DENND1B: variants seen among roughly 807,000 people sequenced by gnomAD.
DENND1B encodes the protein DENN domain-containing protein 1B.
In DENND1B, 59 loss-of-function variants were observed where a neutral mutation model predicts 90.1. The observed-to-expected ratio is 0.65, with a 90% CI of 0.53 to 0.81. The LOEUF is 0.81. Among genes scored for constraint, DENND1B ranks in the 40% least tolerant of loss-of-function variants. The pLI, the probability that DENND1B is intolerant of heterozygous loss-of-function variation, is 0.00. For synonymous variants in DENND1B, 337 were observed against 324.6 expected, an observed-to-expected ratio of 1.04 and a Z score of -0.41; for missense variants, 862 against 912.6, an observed-to-expected ratio of 0.94 and a Z score of 0.71.
intron 12 of DENND1B, among the ~76,000 whole-genome samples, chr1:197,608,053 A>G (rs1036188902): frequency 1.3e-5 from 2 of 150,682 alleles, no homozygotes; most frequent in African/African-American, 4.8e-5. Context: ...TCAACTAGCA[A>G]TAGGTTAATA....
At chr1:197,525,837 G>A (rs1246649089) in intron 20 of DENND1B, among the ~76,000 whole-genome samples, 1 of 151,888 alleles carries the variant, frequency 6.6e-6, no homozygotes, top group Admixed American at 6.6e-5. Flanking sequence ...TTATATTTTG[G>A]TGTCAGAATC....
intron 2 of DENND1B, among the ~76,000 whole-genome samples, chr1:197,768,372 C>T (rs933184051): frequency 2.6e-5 from 4 of 152,128 alleles, no homozygotes; most frequent in Non-Finnish European, 4.4e-5. Flanking sequence ...AAGAGAAATG[C>T]TTAGAGGCAT....
chr1:197,632,603 G>A (rs1679425963), intron 10 of DENND1B, among the ~76,000 whole-genome samples: 1 of 152,016 alleles, frequency 6.6e-6, no homozygotes, highest in Non-Finnish European at 1.5e-5. Context: ...GCAAATAATA[G>A]CATTTATCAA....
chr1:197,565,759 G>A (rs1485392790), intron 15 of DENND1B, among the ~76,000 whole-genome samples: 2 of 150,316 alleles, frequency 1.3e-5, no homozygotes, highest in Non-Finnish European at 3.0e-5. Flanking sequence ...TTGTTCTTGC[G>A]ATAGTTTACT....
At chr1:197,659,258 T>A (rs1301374514) in intron 5 of DENND1B, among the ~76,000 whole-genome samples, 1 of 151,678 alleles carries the variant, frequency 6.6e-6, no homozygotes. Context: ...CATGTAAAAT[T>A]TAAAAATCAG....
chr1:197,668,717 A>T (rs1427982058), intron 5 of DENND1B, among the ~76,000 whole-genome samples: 1 of 151,886 alleles, frequency 6.6e-6, no homozygotes, highest in Non-Finnish European at 1.5e-5. Context: ...ACCATGCTGT[A>T]ATAAATACCT....
At position 197,577,615 on chromosome 1, in the gene DENND1B, C is replaced by T. The variant is rs572450473; in HGVS notation, c.1149+5537G>A. 5.9e-5 allele frequency among the ~76,000 whole-genome samples: 9 copies of T among 152,242 alleles called. No individual in the cohort carries two copies. The South Asian group carries it at 1.9e-3, about 32-fold the overall frequency. Reference sequence around the variant, plus strand: ...GCAATGTACAGAAGAAAATAATTTCCTTCATTGTATCAGTATGAGATAAAA... The same window carrying T: ...GCAATGTACAGAAGAAAATAATTTCTTTCATTGTATCAGTATGAGATAAAA... On this transcript the variant is annotated intron_variant, in intron 15 of 22. Transcript: ENST00000620048.
At chr1:197,539,419 T>C (rs1466876712) in intron 20 of DENND1B, among the ~76,000 whole-genome samples, 1 of 151,722 alleles carries the variant, frequency 6.6e-6, no homozygotes, top group Non-Finnish European at 1.5e-5. Flanking sequence ...AATGTACTTA[T>C]GAAAAAAAAA....
At chr1:197,511,705 T>C (rs1668040001) in intron 22 of DENND1B, 23 bp downstream of exon 22, 1 of 1,543,156 alleles carries the variant, frequency 6.5e-7, no homozygotes, top group Admixed American at 2.0e-5. Flanking sequence ...TCTAATTTTA[T>C]AAGTAAAAAA....
intron 2 of DENND1B, among the ~76,000 whole-genome samples, chr1:197,730,633 C>T (rs1273786143): frequency 1.3e-5 from 2 of 151,860 alleles, no homozygotes; most frequent in Non-Finnish European, 2.9e-5. Flanking sequence ...AAGTAAAGGG[C>T]TACTTGAATT....
intron 2 of DENND1B, among the ~76,000 whole-genome samples, chr1:197,741,116 T>C (rs12066841): frequency 0.55 from 82,921 of 152,004 alleles, 22,861 homozygotes; most frequent in East Asian, 0.66. Context: ...AGAGAAAGGA[T>C]AAGACAAGTA....
intron 20 of DENND1B, among the ~76,000 whole-genome samples, chr1:197,514,694 A>C (rs1439744363): frequency 6.6e-6 from 1 of 151,570 alleles, no homozygotes; most frequent in African/African-American, 2.4e-5. Flanking sequence ...TTCCTTCTGC[A>C]TATGTTTGAA....
chr1:197,538,603 G>A (rs1381915861), intron 20 of DENND1B, among the ~76,000 whole-genome samples: 1 of 149,940 alleles, frequency 6.7e-6, no homozygotes, highest in East Asian at 1.9e-4. Context: ...TATATACCTG[G>A]TATCTAGAAA....
intron 14 of DENND1B, among the ~76,000 whole-genome samples, chr1:197,589,447 A>C (rs1033584572): frequency 4.6e-5 from 7 of 152,186 alleles, no homozygotes; most frequent in East Asian, 3.8e-4. Context: ...TCTGTGCTCA[A>C]GCAAGAGAAA....
At chr1:197,698,417 T>C (rs1417954184) in intron 3 of DENND1B, among the ~76,000 whole-genome samples, 3 of 151,930 alleles carry the variant, frequency 2.0e-5, no homozygotes, top group Admixed American at 6.6e-5. Flanking sequence ...GAAAGCAGTG[T>C]TAAGAGGAAA....
chr1:197,700,735 C>T (rs1658940211), intron 3 of DENND1B, among the ~76,000 whole-genome samples: 1 of 152,034 alleles, frequency 6.6e-6, no homozygotes, highest in Non-Finnish European at 1.5e-5. Context: ...GGAACTTAAA[C>T]AAATTTACAA....
At chr1:197,728,467 T>C (rs984668472) in intron 2 of DENND1B, among the ~76,000 whole-genome samples, 5 of 152,204 alleles carry the variant, frequency 3.3e-5, no homozygotes, top group Non-Finnish European at 5.9e-5. Flanking sequence ...CAACATCCCC[T>C]TGACTAGTGT....
intron 2 of DENND1B, chr1:197,746,933 T>G: frequency 6.7e-7 from 1 of 1,501,094 alleles, no homozygotes; most frequent in Non-Finnish European, 9.3e-7. Context: ...CTGGTTTTTC[T>G]GAGTTCCTCA....
At chr1:197,771,029 A>G (rs1656527905) in intron 2 of DENND1B, among the ~76,000 whole-genome samples, 1 of 150,640 alleles carries the variant, frequency 6.6e-6, no homozygotes, top group African/African-American at 2.4e-5. Flanking sequence ...CTCGTGCCTC[A>G]GCCTCCCCAG....
Sources: allele counts gnomAD v4.1 joint callset (sites outside exome capture counted in the v4.1 genomes callset), GRCh38; gene constraint gnomAD v4.1.1; transcripts MANE v1.5; gene names NCBI Gene and HGNC (gene_info 2026-07-23, HGNC 2026-07-21).